The following FRYL variants were observed in gnomAD, a reference collection of about 807,000 sequenced individuals.
FRYL encodes the protein protein furry homolog-like.
Under a neutral mutation model 351.2 loss-of-function variants are expected in FRYL, and 150 were observed. The observed-to-expected ratio is 0.43, with a 90% CI of 0.37 to 0.49. The LOEUF is 0.49. Among genes scored for constraint, FRYL ranks in the 20% least tolerant of loss-of-function variants. The probability of loss-of-function intolerance (pLI) is 0.00; values close to 1 mark genes in which losing one functional copy is unlikely to be tolerated. For synonymous variants in FRYL, 1,153 were observed against 1,257.1 expected (o/e 0.92, Z 1.75); for missense variants, 3,036 against 3,619.3 (o/e 0.84, Z 4.13).
intron 49 of FRYL, among the ~76,000 whole-genome samples, chr4:48,534,185 C>T (rs531214174): frequency 6.6e-6 from 1 of 152,302 alleles, no homozygotes. Flanking sequence ...GAGACTGCGC[C>T]ACTGCACTCC....
intron 3 of FRYL, among the ~76,000 whole-genome samples, chr4:48,679,759 C>A (rs1331714224): frequency 1.3e-5 from 2 of 151,992 alleles, no homozygotes; most frequent in Non-Finnish European, 2.9e-5. Context: ...TCACTATACA[C>A]TGTAAGTATC....
intron 27 of FRYL, among the ~76,000 whole-genome samples, chr4:48,569,462 G>T (rs1205131816): frequency 6.6e-6 from 1 of 152,040 alleles, no homozygotes; most frequent in Non-Finnish European, 1.5e-5. Flanking sequence ...ACGCATCACC[G>T]TGCCCAGCTA....
Position 48,498,519 on chromosome 4 carries a change from A to T in FRYL, c.*903T>A, listed in dbSNP as rs1399430304. 1 of 152,646 alleles carries T rather than the reference A, an allele frequency of 6.6e-6. No individual in the cohort carries two copies. Among genetic ancestry groups the T allele is most frequent in the Non-Finnish European group, 1.5e-5 (1 of 68,046 alleles). The allele number at this position is 152,646 out of a possible 1,614,324, so 9.5% of individuals were successfully genotyped here. A position where few individuals can be genotyped will look rare whatever the true frequency, so the allele number is the denominator to read the frequency against. On this transcript the variant is annotated 3_prime_UTR_variant, in exon 64 of 64. Coordinates refer to ENST00000358350, the MANE Select transcript of FRYL (RefSeq NM_015030.2). ...AGCATACATCTTTATTTTACATTTT[A>T]AAGTCTCTGCAGGCATCTACTTTGG...
At chr4:48,717,315 C>T (rs1337289922) in intron 1 of FRYL, among the ~76,000 whole-genome samples, 1 of 151,120 alleles carries the variant, frequency 6.6e-6, no homozygotes, top group Non-Finnish European at 1.5e-5. Flanking sequence ...TGAAAGAAGC[C>T]ACTCACAAAA....
At chr4:48,575,951 A>C in intron 24 of FRYL, 79 bp downstream of exon 24, 2 of 1,208,078 alleles carry the variant, frequency 1.7e-6, no homozygotes, top group Non-Finnish European at 2.3e-6. Flanking sequence ...TTTATTGTCC[A>C]TAAAAAGAAA....
chr4:48,708,016 T>G (rs1767566918), intron 2 of FRYL, among the ~76,000 whole-genome samples: 1 of 151,752 alleles, frequency 6.6e-6, no homozygotes, highest in South Asian at 2.1e-4. Context: ...GAGAGGGGGT[T>G]TCACTGTGTT....
rs1278015584 is a variant in FRYL, at chr4:48,510,209, A to G, written c.8296-52T>C. 5 of 1,327,134 alleles carry G rather than the reference A, an allele frequency of 3.8e-6. No individual in the cohort carries two copies. In the Admixed American group the frequency reaches 6.7e-5, roughly 18 times the overall value. 82.2% of individuals were successfully genotyped at this position (1,327,134 alleles called of 1,614,324 possible). On this transcript the variant is annotated intron_variant, in intron 58 of 63. Coordinates refer to ENST00000358350, the MANE Select transcript of FRYL (RefSeq NM_015030.2). ...GTTACCATTTCTGATTGAAATCATG[A>G]GACTCACAAAATCATGAGACTTTTC...
intron 3 of FRYL, among the ~76,000 whole-genome samples, chr4:48,680,530 TATTC>T (rs917005713): frequency 1.2e-4 from 18 of 151,942 alleles, no homozygotes; most frequent in Non-Finnish European, 2.5e-4. Context: ...TCAGCCCAAA[TATTC>T]ATTATCTTTT....
chr4:48,756,183 A>C (rs2109351123), intron 1 of FRYL, among the ~76,000 whole-genome samples: 1 of 151,708 alleles, frequency 6.6e-6, no homozygotes, highest in South Asian at 2.1e-4. Context: ...CAGTGAGCCA[A>C]GATTGCACCA....
rs189382230 is a variant in FRYL at position 48,509,578 on chromosome 4, A to C, written c.8394+481T>G. 1.8e-4 allele frequency among the ~76,000 whole-genome samples: 27 copies of C among 152,316 alleles called. No homozygotes were observed. In the East Asian group the frequency reaches 5.0e-3, roughly 28 times the overall value. ...AATGTGCTGGATTTACTCTTAGGGA[A>C]GGAACAGAGCTACTCTGTTTTCAAT... On this transcript the variant is annotated intron_variant, in intron 59 of 63. Coordinates refer to ENST00000358350, the MANE Select transcript of FRYL (RefSeq NM_015030.2).
intron 44 of FRYL, 79 bp from the exon 45 acceptor site, chr4:48,542,200 A>C (rs1336276044): frequency 1.1e-6 from 1 of 946,022 alleles, no homozygotes; most frequent in Non-Finnish European, 1.7e-6. Context: ...TGGGATTTTA[A>C]AATAGAACAA....
intron 34 of FRYL, 62 bp downstream of exon 34, chr4:48,557,391 C>G: frequency 6.3e-7 from 1 of 1,585,298 alleles, no homozygotes; most frequent in Non-Finnish European, 8.6e-7. Flanking sequence ...TCATCTGTTT[C>G]TAACCACATC....
chr4:48,703,061 G>A (rs897746810), intron 2 of FRYL, among the ~76,000 whole-genome samples: 2 of 152,130 alleles, frequency 1.3e-5, no homozygotes, highest in African/African-American at 2.4e-5. Flanking sequence ...TGTCTCAGGA[G>A]AGCAGATCTT....
rs191481069 is a variant in FRYL, at chr4:48,510,732, G to A, written c.8295+103C>T. On this transcript the variant is annotated intron_variant, in intron 58 of 63. Transcript: ENST00000358350. ...ATATTTATAATCATGTTGAAAATAC[G>A]AACCTTTATACCATAAAATTCAGAA... 87 of 896,702 alleles carry A rather than the reference G, an allele frequency of 9.7e-5. No individual in the cohort carries two copies. The Admixed American group carries it at 1.9e-3, about 20-fold the overall frequency. 55.5% of individuals were successfully genotyped at this position (896,702 alleles called of 1,614,324 possible).
chr4:48,634,252 C>T (rs1184270880), intron 4 of FRYL, 39 bp downstream of exon 4: 1 of 1,469,240 alleles, frequency 6.8e-7, no homozygotes, highest in South Asian at 1.1e-5. Context: ...ATACAAAAGT[C>T]AAGAAAATAT....
At chr4:48,600,156 G>A (rs545426030) in intron 13 of FRYL, among the ~76,000 whole-genome samples, 1 of 151,792 alleles carries the variant, frequency 6.6e-6, no homozygotes, top group South Asian at 2.1e-4. Context: ...TAGGTTTTTA[G>A]TATCAAGAGA....
chr4:48,750,492 G>A (rs1194447290), intron 1 of FRYL, among the ~76,000 whole-genome samples: 1 of 151,872 alleles, frequency 6.6e-6, no homozygotes, highest in African/African-American at 2.4e-5. Flanking sequence ...AGAAATAAAA[G>A]AAAAATAAAA....
chr4:48,753,005 G>A (rs1048569739), intron 1 of FRYL, among the ~76,000 whole-genome samples: 1 of 152,088 alleles, frequency 6.6e-6, no homozygotes, highest in Non-Finnish European at 1.5e-5. Context: ...AGGGGTCGGG[G>A]GGAGTGAGCA....
intron 3 of FRYL, among the ~76,000 whole-genome samples, chr4:48,669,101 T>A (rs1385460597): frequency 6.6e-6 from 1 of 152,222 alleles, no homozygotes; most frequent in Non-Finnish European, 1.5e-5. Context: ...ATTATTTTAG[T>A]ATGTTTTACT....
Sources: gnomAD v4.1 joint callset for allele counts (sites outside exome capture counted in the v4.1 genomes callset) on GRCh38, gnomAD v4.1.1 for gene constraint, MANE v1.5 for transcripts, NCBI Gene and HGNC (gene_info 2026-07-23, HGNC 2026-07-21) for gene names.